The following SCFD2 variants were observed in gnomAD, a reference collection of about 807,000 sequenced individuals.
The protein encoded by SCFD2 is sec1 family domain-containing protein 2.
Under a neutral mutation model 58.9 loss-of-function variants are expected in SCFD2, and 54 were observed. That is an observed-to-expected ratio of 0.92 (90% CI 0.74 to 1.15). The LOEUF is 1.15. Among genes scored for constraint, SCFD2 ranks in the 50% most tolerant of loss-of-function variants. The pLI is 0.00. For missense variants in SCFD2, 805 were observed against 836.6 expected, an observed-to-expected ratio of 0.96 and a Z score of 0.47; for synonymous variants, 321 against 335.9, an observed-to-expected ratio of 0.96 and a Z score of 0.49.
At chr4:53,100,881 A>T (rs7694536) in intron 5 of SCFD2, among the ~76,000 whole-genome samples, 1,814 of 152,282 alleles carry the variant, frequency 0.012, 44 homozygotes, top group African/African-American at 0.041. Flanking sequence ...AAATCTCATG[A>T]CTATGCAAAT....
At chr4:52,939,804 C>T (rs1461755435) in intron 5 of SCFD2, among the ~76,000 whole-genome samples, 1 of 152,100 alleles carries the variant, frequency 6.6e-6, no homozygotes, top group Non-Finnish European at 1.5e-5. Flanking sequence ...AAAGAAGCAC[C>T]ATGAACGTCA....
At chr4:53,309,097 C>A (rs1732606789) in intron 3 of SCFD2, among the ~76,000 whole-genome samples, 1 of 151,708 alleles carries the variant, frequency 6.6e-6, no homozygotes, top group African/African-American at 2.4e-5. Flanking sequence ...CACGCCACTG[C>A]ACTCCAGCCT....
At chr4:53,043,244 TG>T (rs1473937460) in intron 5 of SCFD2, among the ~76,000 whole-genome samples, 3 of 152,126 alleles carry the variant, frequency 2.0e-5, no homozygotes, top group Non-Finnish European at 4.4e-5. Flanking sequence ...GGGAATCTGA[TG>T]AAGCCCACGT....
intron 5 of SCFD2, among the ~76,000 whole-genome samples, chr4:53,144,619 CAAAG>C (rs1726267900): frequency 6.6e-6 from 1 of 150,444 alleles, no homozygotes; most frequent in Non-Finnish European, 1.5e-5. Context: ...TGTAACATCT[CAAAG>C]AAACAGTTTT....
At chr4:52,976,183 T>C (rs1371569950) in intron 5 of SCFD2, among the ~76,000 whole-genome samples, 2 of 151,864 alleles carry the variant, frequency 1.3e-5, no homozygotes, top group Non-Finnish European at 2.9e-5. Context: ...ATAAAAAAAA[T>C]TGGTTGTTTC....
intron 5 of SCFD2, chr4:52,949,826 T>C (rs891496028): frequency 6.6e-6 from 1 of 152,202 alleles, no homozygotes; most frequent in Non-Finnish European, 1.5e-5. Context: ...TAACACCAAA[T>C]TGTGAGAGTG....
In SCFD2 at chr4:53,145,317, T is replaced by C. The variant is rs757571990; in HGVS notation, c.1561+16A>G. The C allele has an allele frequency of 2.5e-6, 4 of 1,613,192 alleles. No homozygotes were observed. In the Admixed American group the frequency reaches 6.7e-5, roughly 27 times the overall value. ...ATCAGTGATGTTTGTGTCCTGTATC[T>C]TTGTTAGACACTCACCCGTAATTTT... On this transcript the variant is annotated intron_variant, in intron 5 of 8. Transcript: ENST00000401642.
chr4:53,096,667 C>T (rs1273045147), intron 5 of SCFD2, among the ~76,000 whole-genome samples: 1 of 152,178 alleles, frequency 6.6e-6, no homozygotes, highest in Non-Finnish European at 1.5e-5. Context: ...TGTAGGTTGC[C>T]TGTTCACTTT....
intron 5 of SCFD2, among the ~76,000 whole-genome samples, chr4:52,984,603 G>A (rs57574163): frequency 6.6e-6 from 1 of 152,216 alleles, no homozygotes; most frequent in Non-Finnish European, 1.5e-5. Flanking sequence ...TTATATAATA[G>A]AATGAATGGG....
intron 5 of SCFD2, among the ~76,000 whole-genome samples, chr4:53,045,727 C>T (rs1240329719): frequency 6.6e-6 from 1 of 151,990 alleles, no homozygotes; most frequent in East Asian, 1.9e-4. Context: ...TTCAAAAATG[C>T]TTATTTGATG....
intron 1 of SCFD2, among the ~76,000 whole-genome samples, chr4:53,360,824 T>C (rs1213242804): frequency 1.3e-5 from 2 of 152,252 alleles, no homozygotes; most frequent in Non-Finnish European, 2.9e-5. Flanking sequence ...CTCATTGCTT[T>C]ATCATCATAT....
chr4:53,257,755 T>C (rs1730691718), intron 4 of SCFD2, among the ~76,000 whole-genome samples: 1 of 146,192 alleles, frequency 6.8e-6, no homozygotes. Context: ...TTTTTTTGCC[T>C]CTTTCTTTAC....
intron 5 of SCFD2, among the ~76,000 whole-genome samples, chr4:52,975,844 T>C (rs1411142642): frequency 1.3e-5 from 2 of 151,766 alleles, no homozygotes; most frequent in Non-Finnish European, 2.9e-5. Context: ...TACGCAGCCA[T>C]AAAAAAGGAT....
chr4:53,212,575 CGT>C (rs72335886), intron 4 of SCFD2, among the ~76,000 whole-genome samples: 24,949 of 142,064 alleles, frequency 0.18, 2,216 homozygotes, highest in Admixed American at 0.24. Flanking sequence ...AAAGTGAGCA[CGT>C]GTGTGTGTGT....
At chr4:53,318,581 C>G (rs1359222393) in intron 2 of SCFD2, among the ~76,000 whole-genome samples, 2 of 152,124 alleles carry the variant, frequency 1.3e-5, no homozygotes. Context: ...CAGCTTCAAA[C>G]AAATCAAAAC....
chr4:53,256,707 T>C (rs1413855971), intron 4 of SCFD2, among the ~76,000 whole-genome samples: 1 of 151,660 alleles, frequency 6.6e-6, no homozygotes, highest in Non-Finnish European at 1.5e-5. Context: ...AAACCCTGTC[T>C]CCACCAAAAA....
intron 3 of SCFD2, among the ~76,000 whole-genome samples, chr4:53,302,745 A>C (rs1048042151): frequency 5.3e-5 from 8 of 152,222 alleles, no homozygotes; most frequent in African/African-American, 1.9e-4. Flanking sequence ...ACTGGTACCA[A>C]AACAGACATA....
chr4:52,899,560 T>C (rs1312112572), intron 7 of SCFD2, among the ~76,000 whole-genome samples: 2 of 152,206 alleles, frequency 1.3e-5, no homozygotes, highest in African/African-American at 4.8e-5. Context: ...TAACCCGACC[T>C]TTCTCTCTGG....
At chr4:53,213,696 T>C (rs751648944) in intron 4 of SCFD2, among the ~76,000 whole-genome samples, 86 of 152,116 alleles carry the variant, frequency 5.7e-4, no homozygotes, top group Non-Finnish European at 1.1e-3. Context: ...AGGGTACATG[T>C]GCAAAACATG....
Sources: gnomAD v4.1 joint callset for allele counts (sites outside exome capture counted in the v4.1 genomes callset) on GRCh38, gnomAD v4.1.1 for gene constraint, MANE v1.5 for transcripts, NCBI Gene and HGNC (gene_info 2026-07-23, HGNC 2026-07-21) for gene names.